Variants in WWOX observed in about 807,000 individuals in gnomAD.
The protein encoded by WWOX is WW domain-containing oxidoreductase.
A neutral mutation model predicts 46.2 loss-of-function variants in WWOX; 69 were observed. The ratio of observed to expected loss-of-function variants is 1.49; its 90% CI spans 1.23 to 1.82. The LOEUF is 1.82. Ranked by LOEUF, WWOX falls within the 40% of genes most tolerant of loss-of-function variation. The pLI is 0.00. For synonymous variants in WWOX, 359 were observed against 202.6 expected, an observed-to-expected ratio of 1.77 and a Z score of -6.56; for missense variants, 919 against 542.6, an observed-to-expected ratio of 1.69 and a Z score of -6.89.
chr16:78,705,146 T>C (rs891669555), intron 8 of WWOX, among the ~76,000 whole-genome samples: 1 of 152,162 alleles, frequency 6.6e-6, no homozygotes, highest in Non-Finnish European at 1.5e-5. Flanking sequence ...GTGATTTTCT[T>C]TGATATTAAA....
intron 4 of WWOX, among the ~76,000 whole-genome samples, chr16:78,147,507 G>A (rs1279364851): frequency 6.6e-6 from 1 of 152,092 alleles, no homozygotes; most frequent in Admixed American, 6.5e-5. Flanking sequence ...CTTTAAAAGT[G>A]AGCCTCAAAA....
chr16:78,252,011 A>G (rs998181691), intron 5 of WWOX, among the ~76,000 whole-genome samples: 2 of 152,204 alleles, frequency 1.3e-5, no homozygotes, highest in African/African-American at 4.8e-5. Context: ...GGCAAGTGTC[A>G]TGGGACTTGT....
chr16:78,835,710 G>C lies in WWOX; in HGVS notation c.1057-375898G>C, dbSNP rs186414603. On this transcript the variant is annotated intron_variant, in intron 8 of 8. Transcript: ENST00000566780. ...ACTCACCCTGTGCTAATCTGACCTC[G>C]TGAAGAAATTGAGCAAACTAGGCTC... is the stretch of plus-strand genomic sequence containing the variant. Among the ~76,000 whole-genome samples, 808 of 152,262 alleles carry C rather than the reference G, an allele frequency of 5.3e-3. 3 individuals are homozygous for C. Among genetic ancestry groups the C allele is most frequent in the Non-Finnish European group, 7.6e-3 (515 of 68,032 alleles).
chr16:78,646,847 C>G (rs1191819681), intron 8 of WWOX, among the ~76,000 whole-genome samples: 3 of 152,158 alleles, frequency 2.0e-5, no homozygotes, highest in African/African-American at 7.2e-5. Flanking sequence ...TCAGCCGAAA[C>G]TAACTCTGCT....
At chr16:78,127,069 C>T (rs755196303) in intron 4 of WWOX, among the ~76,000 whole-genome samples, 1 of 152,196 alleles carries the variant, frequency 6.6e-6, no homozygotes, top group Admixed American at 6.5e-5. Flanking sequence ...GGAACACTGA[C>T]TCTGGAAGCA....
chr16:79,045,780 C>CTTTTTTTTTTTTTTTTTTTTTTTTTTTT (rs770463813), intron 8 of WWOX, among the ~76,000 whole-genome samples: 1 of 54,226 alleles, frequency 1.8e-5, no homozygotes, highest in Non-Finnish European at 3.9e-5. Flanking sequence ...TTTTCTTTTC[C>CTTTTTTTTTTTTTTTTTTTTTTTTTTTT]TTTTTTTTTT....
chr16:79,198,880 G>A (rs2051292201), intron 8 of WWOX, among the ~76,000 whole-genome samples: 1 of 152,176 alleles, frequency 6.6e-6, no homozygotes, highest in African/African-American at 2.4e-5. Flanking sequence ...TCAAAATCCT[G>A]ACCTGAAGGT....
chr16:79,044,099 G>T (rs1481062640), intron 8 of WWOX, among the ~76,000 whole-genome samples: 2 of 152,150 alleles, frequency 1.3e-5, no homozygotes, highest in African/African-American at 2.4e-5. Flanking sequence ...GCTCCCAAAG[G>T]GAGACTGAAA....
intron 8 of WWOX, among the ~76,000 whole-genome samples, chr16:79,062,430 C>T (rs898879288): frequency 6.6e-6 from 1 of 151,664 alleles, no homozygotes; most frequent in Non-Finnish European, 1.5e-5. Context: ...GCCAGGGAAC[C>T]AAGGCCTTTC....
intron 8 of WWOX, among the ~76,000 whole-genome samples, chr16:78,663,304 A>C (rs12448196): frequency 1.3e-5 from 2 of 152,144 alleles, no homozygotes; most frequent in Admixed American, 1.3e-4. Context: ...GTGTTATTTC[A>C]TGTATTAATA....
chr16:78,873,367 T>C (rs1444305904), intron 8 of WWOX: 1 of 152,228 alleles, frequency 6.6e-6, no homozygotes, highest in African/African-American at 2.4e-5. Flanking sequence ...GTTGACTATC[T>C]CCTTATGCTG....
chr16:78,138,291 G>T (rs1022117426), intron 4 of WWOX, among the ~76,000 whole-genome samples: 3 of 150,780 alleles, frequency 2.0e-5, no homozygotes, highest in Non-Finnish European at 4.4e-5. Flanking sequence ...TTATTTCTCA[G>T]ATTAAGAGCC....
At chr16:79,160,179 T>G (rs1193344340) in intron 8 of WWOX, among the ~76,000 whole-genome samples, 3 of 152,208 alleles carry the variant, frequency 2.0e-5, no homozygotes, top group Admixed American at 6.5e-5. Context: ...AACACTGGTC[T>G]GTTTGTTCAA....
At chr16:79,156,218 G>C (rs1041249914) in intron 8 of WWOX, among the ~76,000 whole-genome samples, 1 of 152,152 alleles carries the variant, frequency 6.6e-6, no homozygotes, top group African/African-American at 2.4e-5. Flanking sequence ...CTGGAGTGCA[G>C]TGGTACAATT....
At chr16:78,520,599 G>C (rs574311394) in intron 8 of WWOX, among the ~76,000 whole-genome samples, 1 of 152,058 alleles carries the variant, frequency 6.6e-6, no homozygotes, top group Non-Finnish European at 1.5e-5. Context: ...GAAGGCTGCT[G>C]GGACTCACTC....
intron 8 of WWOX, among the ~76,000 whole-genome samples, chr16:79,033,358 A>G (rs892439743): frequency 3.3e-5 from 5 of 149,294 alleles, no homozygotes; most frequent in African/African-American, 1.2e-4. Flanking sequence ...TAATATATAC[A>G]TAATATATAA....
At chr16:78,404,479 C>G (rs755324115) in intron 6 of WWOX, among the ~76,000 whole-genome samples, 4 of 152,104 alleles carry the variant, frequency 2.6e-5, no homozygotes, top group Non-Finnish European at 4.4e-5. Flanking sequence ...AATGCCACCC[C>G]AACCCTCCTC....
At chr16:78,130,571 T>C (rs2033548840) in intron 4 of WWOX, among the ~76,000 whole-genome samples, 2 of 152,208 alleles carry the variant, frequency 1.3e-5, no homozygotes, top group African/African-American at 2.4e-5. Flanking sequence ...GCTGTTCCTA[T>C]AGGCTGACCC....
intron 8 of WWOX, among the ~76,000 whole-genome samples, chr16:78,668,976 T>C (rs1348566085): frequency 1.3e-5 from 2 of 152,150 alleles, no homozygotes; most frequent in African/African-American, 2.4e-5. Context: ...ACTTAAAAAT[T>C]GTTAGAAGAG....
Sources: gnomAD v4.1 joint callset for allele counts (sites outside exome capture counted in the v4.1 genomes callset) on GRCh38, gnomAD v4.1.1 for gene constraint, MANE v1.5 for transcripts, NCBI Gene and HGNC (gene_info 2026-07-23, HGNC 2026-07-21) for gene names.